The following VKORC1L1 variants were observed in gnomAD, a reference collection of about 807,000 sequenced individuals.
VKORC1L1 encodes the protein vitamin K epoxide reductase complex subunit 1-like protein 1.
VKORC1L1 carries 2 observed loss-of-function variants against 18.9 expected under a neutral mutation model. The ratio of observed to expected loss-of-function variants is 0.11; its 90% CI spans 0.04 to 0.33. The LOEUF (loss-of-function observed/expected upper bound fraction) is 0.33, where lower values mean the gene tolerates loss of function less well. VKORC1L1 is among the 10% of genes least tolerant of loss of function. The pLI is 1.00. For synonymous variants in VKORC1L1, 96 were observed against 100.0 expected (o/e 0.96, Z 0.24); for missense variants, 123 against 224.1 (o/e 0.55, Z 2.88).
At chr7:65,945,480 T>C (rs1047393102) in intron 1 of VKORC1L1, among the ~76,000 whole-genome samples, 5 of 151,722 alleles carry the variant, frequency 3.3e-5, no homozygotes, top group South Asian at 2.1e-4. Flanking sequence ...GGCATGGTGG[T>C]GGGCGCCTGT....
intron 1 of VKORC1L1, among the ~76,000 whole-genome samples, chr7:65,889,498 CATTG>C (rs1789074618): frequency 6.6e-6 from 1 of 152,222 alleles, no homozygotes; most frequent in African/African-American, 2.4e-5. Context: ...CACCAGGCCC[CATTG>C]ATTGTTTTTC....
chr7:65,895,468 AAAAAAAAAAAAAATATAT>A (rs1399253579), intron 1 of VKORC1L1, among the ~76,000 whole-genome samples: 4 of 52,758 alleles, frequency 7.6e-5, no homozygotes, highest in African/African-American at 3.3e-4. Context: ...AAAAAAAAAA[AAAAAAAAAAAAAATATAT>A]ATATATATAT....
intron 1 of VKORC1L1, among the ~76,000 whole-genome samples, chr7:65,935,107 T>G (rs960181104): frequency 6.6e-6 from 1 of 152,030 alleles, no homozygotes. Flanking sequence ...TTCTGAAATT[T>G]CATATTTCCC....
At chr7:65,907,474 T>C (rs958988697) in intron 1 of VKORC1L1, among the ~76,000 whole-genome samples, 5 of 152,098 alleles carry the variant, frequency 3.3e-5, no homozygotes, top group African/African-American at 1.2e-4. Context: ...TTTAAATATC[T>C]TTCCTCATAC....
At chr7:65,926,374 T>C (rs1026325492) in intron 1 of VKORC1L1, among the ~76,000 whole-genome samples, 1 of 152,090 alleles carries the variant, frequency 6.6e-6, no homozygotes, top group Non-Finnish European at 1.5e-5. Context: ...CAGGCTGGTC[T>C]TGAACTCCTG....
intron 1 of VKORC1L1, among the ~76,000 whole-genome samples, chr7:65,892,428 C>T (rs1192555961): frequency 1.3e-5 from 2 of 152,160 alleles, no homozygotes; most frequent in African/African-American, 4.8e-5. Flanking sequence ...TTTCCACATC[C>T]TCACCATCAT....
chr7:65,898,672 C>T (rs1789258986), intron 1 of VKORC1L1, among the ~76,000 whole-genome samples: 1 of 152,130 alleles, frequency 6.6e-6, no homozygotes, highest in Admixed American at 6.6e-5. Context: ...TGTGACTTAA[C>T]ATTTTTTAAA....
At chr7:65,922,467 A>G (rs1041104476) in intron 1 of VKORC1L1, among the ~76,000 whole-genome samples, 1 of 152,088 alleles carries the variant, frequency 6.6e-6, no homozygotes, top group Non-Finnish European at 1.5e-5. Flanking sequence ...TATTTTTACT[A>G]GAGACGGGGC....
At chr7:65,945,258 C>T (rs1474590645) in intron 1 of VKORC1L1, among the ~76,000 whole-genome samples, 1 of 142,512 alleles carries the variant, frequency 7.0e-6, no homozygotes, top group Non-Finnish European at 1.5e-5. Flanking sequence ...CAGACTGTCT[C>T]AAAAAGAAAA....
intron 1 of VKORC1L1, among the ~76,000 whole-genome samples, chr7:65,944,999 G>T (rs1218011358): frequency 6.6e-6 from 1 of 152,096 alleles, no homozygotes; most frequent in Non-Finnish European, 1.5e-5. Flanking sequence ...GGTGGCTGAT[G>T]CCTGTAATCC....
At position 65,942,605 on chromosome 7, in the gene VKORC1L1, T is replaced by G. The variant is rs919907187; in HGVS notation, c.195-6066T>G. 4.6e-5 allele frequency among the ~76,000 whole-genome samples: 7 copies of G among 151,606 alleles called. No individual in the cohort carries two copies. The East Asian group carries it at 1.4e-3, about 30-fold the overall frequency. ...TAGGCTGGAGTGCAGTGGCGCAATC[T>G]CGGCTTGCGTCCTGGGTTCAAGCGA... On this transcript the variant is annotated intron_variant, in intron 1 of 2. Transcript: ENST00000360768.
chr7:65,914,382 G>A (rs781295198), intron 1 of VKORC1L1, among the ~76,000 whole-genome samples: 4 of 152,162 alleles, frequency 2.6e-5, no homozygotes, highest in Non-Finnish European at 4.4e-5. Context: ...GATTACAGGC[G>A]TGAGTCACTG....
chr7:65,947,292 T>C (rs948183130), intron 1 of VKORC1L1, among the ~76,000 whole-genome samples: 2 of 152,202 alleles, frequency 1.3e-5, no homozygotes, highest in African/African-American at 2.4e-5. Flanking sequence ...CATCAAGTGC[T>C]ATTAAACTAT....
At chr7:65,941,681 T>G (rs1790036188) in intron 1 of VKORC1L1, among the ~76,000 whole-genome samples, 1 of 141,892 alleles carries the variant, frequency 7.0e-6, no homozygotes, top group Non-Finnish European at 1.5e-5. Context: ...AGGTTTTTTT[T>G]TTTTTTTTTT....
In VKORC1L1 at chr7:65,921,845, C is replaced by T. The variant is rs1055828211; in HGVS notation, c.195-26826C>T. Among the ~76,000 whole-genome samples the T allele has an allele frequency of 2.7e-5, 4 of 149,360 alleles. No homozygotes were observed. The South Asian group carries it at 6.3e-4, about 24-fold the overall frequency. ...CCTGGGCGACAGAGCGAGACTCCAT[C>T]TCAAAAAAAAAAAAAAAATTTTTTT... On this transcript the variant is annotated intron_variant, in intron 1 of 2. Coordinates refer to ENST00000360768, the MANE Select transcript of VKORC1L1 (RefSeq NM_173517.6).
chr7:65,906,499 A>G (rs1789408890), intron 1 of VKORC1L1, among the ~76,000 whole-genome samples: 1 of 152,198 alleles, frequency 6.6e-6, no homozygotes, highest in Non-Finnish European at 1.5e-5. Flanking sequence ...CTATTTTGTA[A>G]GACCCCCAAA....
chr7:65,868,472 A>C (rs1285096970), upstream of VKORC1L1, among the ~76,000 whole-genome samples: 1 of 152,198 alleles, frequency 6.6e-6, no homozygotes, highest in East Asian at 1.9e-4. Context: ...TCACTACTAG[A>C]TATCTACCCA....
intron 1 of VKORC1L1, among the ~76,000 whole-genome samples, chr7:65,935,053 C>CAAAAAA (rs551047338): frequency 1.7e-5 from 1 of 58,442 alleles, no homozygotes; most frequent in African/African-American, 5.9e-5. Flanking sequence ...GATTACATCT[C>CAAAAAA]AAAAAAAAAA....
intron 1 of VKORC1L1, among the ~76,000 whole-genome samples, chr7:65,931,494 G>GGCTAT (rs757168057): frequency 9.9e-5 from 15 of 152,118 alleles, no homozygotes; most frequent in Admixed American, 2.0e-4. Flanking sequence ...CAAATTTATG[G>GGCTAT]GCATAGAGTT....
Sources: gnomAD v4.1 joint callset for allele counts (sites outside exome capture counted in the v4.1 genomes callset) on GRCh38, gnomAD v4.1.1 for gene constraint, MANE v1.5 for transcripts, NCBI Gene and HGNC (gene_info 2026-07-23, HGNC 2026-07-21) for gene names.